CORIN: variants seen among roughly 807,000 people sequenced by gnomAD.
CORIN encodes the protein corin, serine peptidase.
CORIN carries 117 observed loss-of-function variants against 125.3 expected under a neutral mutation model. That is an observed-to-expected ratio of 0.93 (90% CI 0.80 to 1.09). The LOEUF (loss-of-function observed/expected upper bound fraction) is 1.09. CORIN is among the 50% of genes least tolerant of loss of function. CORIN has a pLI of 0.00. For missense variants in CORIN, 1,253 were observed against 1,306.7 expected (o/e 0.96, Z 0.63); for synonymous variants, 450 against 466.4 (o/e 0.96, Z 0.45).
At chr4:47,663,499 G>C (rs999519966) in intron 11 of CORIN, among the ~76,000 whole-genome samples, 2 of 151,928 alleles carry the variant, frequency 1.3e-5, no homozygotes, top group Non-Finnish European at 2.9e-5. Context: ...CTGAAAAAAA[G>C]AAATAAATTT....
chr4:47,805,007 G>A (rs1271184503), intron 2 of CORIN, among the ~76,000 whole-genome samples: 1 of 151,336 alleles, frequency 6.6e-6, no homozygotes, highest in Non-Finnish European at 1.5e-5. Flanking sequence ...GTGGTGGCGG[G>A]CGCCTGTAGT....
At chr4:47,781,110 T>C (rs1226998524) in intron 3 of CORIN, among the ~76,000 whole-genome samples, 1 of 152,100 alleles carries the variant, frequency 6.6e-6, no homozygotes, top group Non-Finnish European at 1.5e-5. Context: ...ATGGATTAAA[T>C]TTTTTCAATC....
At chr4:47,628,438 G>A (rs944740729) in intron 16 of CORIN, among the ~76,000 whole-genome samples, 1 of 35,032 alleles carries the variant, frequency 2.9e-5, no homozygotes, top group African/African-American at 1.5e-4. Context: ...ACATAGTTAC[G>A]TGTGTGTGTG....
intron 19 of CORIN, among the ~76,000 whole-genome samples, chr4:47,605,161 G>A (rs2109513702): frequency 6.6e-6 from 1 of 152,100 alleles, no homozygotes; most frequent in East Asian, 1.9e-4. Context: ...CCCTTACTCT[G>A]CCCCCTTCAC....
At chr4:47,715,537 G>A (rs1209388894) in intron 5 of CORIN, among the ~76,000 whole-genome samples, 2 of 152,182 alleles carry the variant, frequency 1.3e-5, no homozygotes, top group Admixed American at 6.5e-5. Context: ...TCCAGGAGAC[G>A]GAGGTGAGCT....
intron 5 of CORIN, among the ~76,000 whole-genome samples, chr4:47,726,135 G>C (rs1409563672): frequency 6.6e-6 from 1 of 152,074 alleles, no homozygotes; most frequent in Non-Finnish European, 1.5e-5. Flanking sequence ...GAAGCAACTG[G>C]AAGTTGCATA....
At chr4:47,744,614 T>A in intron 4 of CORIN, 31 bp from the exon 5 acceptor site, 1 of 1,547,388 alleles carries the variant, frequency 6.5e-7, no homozygotes, top group Non-Finnish European at 8.7e-7. Context: ...AGGTGAAAAT[T>A]AGTGTCTTTA....
chr4:47,721,200 T>C (rs1727333482), intron 5 of CORIN, among the ~76,000 whole-genome samples: 1 of 151,854 alleles, frequency 6.6e-6, no homozygotes, highest in Admixed American at 6.6e-5. Context: ...ACAAGAGCGC[T>C]CTATCTCTTA....
At chr4:47,837,828 A>T in intron 1 of CORIN, 59 bp downstream of exon 1, 1 of 1,462,830 alleles carries the variant, frequency 6.8e-7, no homozygotes, top group Non-Finnish European at 9.6e-7. Flanking sequence ...CCCTGAATTC[A>T]CCGGGACTAA....
At chr4:47,786,663 A>G in intron 3 of CORIN, 62 bp downstream of exon 3, 1 of 1,364,282 alleles carries the variant, frequency 7.3e-7, no homozygotes, top group Non-Finnish European at 1.0e-6. Flanking sequence ...ATTGGTTGCC[A>G]AACTTAAAAA....
intron 4 of CORIN, among the ~76,000 whole-genome samples, chr4:47,752,388 T>A (rs2109850691): frequency 6.6e-6 from 1 of 152,266 alleles, no homozygotes; most frequent in South Asian, 2.1e-4. Context: ...AATTATCTGT[T>A]GAATAAGTAA....
chr4:47,746,960 C>T (rs1728692314), intron 4 of CORIN, among the ~76,000 whole-genome samples: 1 of 152,154 alleles, frequency 6.6e-6, no homozygotes, highest in Admixed American at 6.5e-5. Flanking sequence ...CTAAGAAACA[C>T]AAGGAAAGGG....
chr4:47,725,124 G>A (rs536338044), intron 5 of CORIN, among the ~76,000 whole-genome samples: 1 of 152,156 alleles, frequency 6.6e-6, no homozygotes, highest in South Asian at 2.1e-4. Flanking sequence ...GAAGAATCAA[G>A]AAAGACCTAA....
At chr4:47,623,132 A>ACACACT (rs1249231612) in intron 19 of CORIN, among the ~76,000 whole-genome samples, 19 of 142,814 alleles carry the variant, frequency 1.3e-4, no homozygotes, top group Middle Eastern at 3.6e-3. Flanking sequence ...ACACACACAC[A>ACACACT]CTCTCTCTGA....
intron 21 of CORIN, 90 bp from the exon 22 acceptor site, chr4:47,595,993 C>G (rs1721235332): frequency 2.0e-6 from 2 of 989,254 alleles, no homozygotes; most frequent in Non-Finnish European, 2.8e-6. Flanking sequence ...AAAGCTAAAC[C>G]CAGATTAACC....
chr4:47,805,720 G>C (rs576674578), intron 2 of CORIN, among the ~76,000 whole-genome samples: 2 of 152,152 alleles, frequency 1.3e-5, no homozygotes, highest in East Asian at 3.9e-4. Context: ...ATCATAAAAA[G>C]CCTAATATCT....
At chr4:47,701,602 T>C (rs1286272602) in intron 5 of CORIN, among the ~76,000 whole-genome samples, 1 of 152,166 alleles carries the variant, frequency 6.6e-6, no homozygotes, top group Non-Finnish European at 1.5e-5. Context: ...TTAGAAAGCA[T>C]TTCCATGTCA....
At chr4:47,654,148 C>G (rs1008210140) in intron 12 of CORIN, among the ~76,000 whole-genome samples, 3 of 152,158 alleles carry the variant, frequency 2.0e-5, no homozygotes, top group Admixed American at 2.0e-4. Context: ...ATAAAAGCAT[C>G]CATACATAAT....
At chr4:47,612,907 C>A (rs189241979) in intron 19 of CORIN, among the ~76,000 whole-genome samples, 18 of 152,212 alleles carry the variant, frequency 1.2e-4, no homozygotes, top group Admixed American at 1.1e-3. Flanking sequence ...AGGAAATGAA[C>A]AATTCTATTA....
Sources: allele counts gnomAD v4.1 joint callset (sites outside exome capture counted in the v4.1 genomes callset), GRCh38; gene constraint gnomAD v4.1.1; transcripts MANE v1.5; gene names NCBI Gene and HGNC (gene_info 2026-07-23, HGNC 2026-07-21).